PAK5: variants seen among roughly 807,000 people sequenced by gnomAD.
PAK5 encodes p21 (RAC1) activated kinase 5, also known as serine/threonine-protein kinase PAK 5.
A neutral mutation model predicts 65.9 loss-of-function variants in PAK5; 16 were observed. The observed-to-expected ratio is 0.24, with a 90% CI of 0.16 to 0.37. The LOEUF (loss-of-function observed/expected upper bound fraction) is 0.37. Among genes scored for constraint, PAK5 ranks in the 10% least tolerant of loss-of-function variants. The pLI is 1.00. For synonymous variants in PAK5, 371 were observed against 354.9 expected, an observed-to-expected ratio of 1.05 and a Z score of -0.51; for missense variants, 785 against 903.9, an observed-to-expected ratio of 0.87 and a Z score of 1.69.
intron 1 of PAK5, among the ~76,000 whole-genome samples, chr20:9,812,752 C>A (rs961949043): frequency 5.3e-5 from 8 of 152,074 alleles, no homozygotes; most frequent in African/African-American, 1.9e-4. Flanking sequence ...CTCAGTAGCA[C>A]AATAGGGTGA....
intron 2 of PAK5, among the ~76,000 whole-genome samples, chr20:9,680,563 C>T (rs2047636055): frequency 6.6e-6 from 1 of 152,142 alleles, no homozygotes; most frequent in Non-Finnish European, 1.5e-5. Context: ...CAGCAATTCC[C>T]ATTTTTTATG....
intron 1 of PAK5, among the ~76,000 whole-genome samples, chr20:9,778,020 T>C (rs1438414359): frequency 4.6e-5 from 7 of 152,168 alleles, no homozygotes; most frequent in African/African-American, 1.7e-4. Context: ...ATAAGTAGAA[T>C]ACAGTTCCCT....
At chr20:9,766,139 T>G (rs2048755291) in intron 1 of PAK5, among the ~76,000 whole-genome samples, 1 of 151,460 alleles carries the variant, frequency 6.6e-6, no homozygotes, top group Non-Finnish European at 1.5e-5. Context: ...GAAGAATCAC[T>G]TGAACCCGGA....
intron 4 of PAK5, 22 bp from the exon 5 acceptor site, chr20:9,566,406 G>A (rs1031245445): frequency 3.1e-6 from 5 of 1,604,118 alleles, no homozygotes; most frequent in Non-Finnish European, 4.3e-6. Flanking sequence ...GACATGGATA[G>A]AGAATATTCA....
At chr20:9,547,027 T>C (rs1449994959) in intron 7 of PAK5, among the ~76,000 whole-genome samples, 1 of 151,988 alleles carries the variant, frequency 6.6e-6, no homozygotes, top group Non-Finnish European at 1.5e-5. Context: ...GTCTAATTAG[T>C]GAAGGTGAGG....
At chr20:9,676,922 C>T (rs370844472) in intron 2 of PAK5, among the ~76,000 whole-genome samples, 1 of 152,016 alleles carries the variant, frequency 6.6e-6, no homozygotes, top group East Asian at 1.9e-4. Flanking sequence ...ATACTGAGTC[C>T]AAATGGGTGT....
chr20:9,708,997 C>T (rs1036518485), intron 2 of PAK5, among the ~76,000 whole-genome samples: 1 of 152,156 alleles, frequency 6.6e-6, no homozygotes, highest in Non-Finnish European at 1.5e-5. Context: ...AAACACCACT[C>T]CATTTTTTTT....
intron 3 of PAK5, among the ~76,000 whole-genome samples, chr20:9,616,470 T>G (rs887081678): frequency 3.9e-5 from 6 of 152,232 alleles, no homozygotes; most frequent in Admixed American, 2.0e-4. Context: ...CAGCGTTCTC[T>G]TCGGCTAAAG....
At chr20:9,719,076 T>A (rs926182216) in intron 1 of PAK5, among the ~76,000 whole-genome samples, 1 of 152,174 alleles carries the variant, frequency 6.6e-6, no homozygotes, top group East Asian at 1.9e-4. Flanking sequence ...TTTCTTTCCC[T>A]TCACTGTTGG....
intron 3 of PAK5, among the ~76,000 whole-genome samples, chr20:9,636,099 C>G (rs114561690): frequency 1.4e-3 from 206 of 152,254 alleles, no homozygotes; most frequent in African/African-American, 4.8e-3. Context: ...AAACTGTTAC[C>G]TTAGGTCAAA....
chr20:9,743,744 TAA>T (rs1346376541), intron 1 of PAK5, among the ~76,000 whole-genome samples: 2 of 152,168 alleles, frequency 1.3e-5, no homozygotes, highest in African/African-American at 2.4e-5. Context: ...AAAGAGTAAG[TAA>T]ATATTTCAAG....
At chr20:9,681,621 A>G (rs1165594116) in intron 2 of PAK5, among the ~76,000 whole-genome samples, 1 of 152,138 alleles carries the variant, frequency 6.6e-6, no homozygotes, top group East Asian at 1.9e-4. Context: ...TTATGTTAGT[A>G]AGCTTACTAC....
In PAK5 at chr20:9,725,595, G is replaced by T. The variant is rs145229231; in HGVS notation, c.-161-14160C>A. On this transcript the variant is annotated intron_variant, in intron 1 of 9. Coordinates refer to ENST00000353224, the MANE Select transcript of PAK5 (RefSeq NM_177990.4). ...AAATTTTGAATAGAAGTAATGTTTT[G>T]GTTCTTATTCGATAAATTTAATTAA... Among the ~76,000 whole-genome samples the T allele has an allele frequency of 8.3e-3, 1,263 of 152,128 alleles. 24 individuals are homozygous for T. Among genetic ancestry groups the T allele is most frequent in the African/African-American group, 0.029 (1,213 of 41,506 alleles).
chr20:9,797,736 G>A (rs1435133417), intron 1 of PAK5, among the ~76,000 whole-genome samples: 1 of 123,974 alleles, frequency 8.1e-6, no homozygotes, highest in East Asian at 2.6e-4. Flanking sequence ...GAGATGAACT[G>A]ACTTATGAGA....
At chr20:9,648,104 C>A (rs77075779) in intron 2 of PAK5, among the ~76,000 whole-genome samples, 1 of 152,154 alleles carries the variant, frequency 6.6e-6, no homozygotes, top group Non-Finnish European at 1.5e-5. Context: ...TCAGGGGTCC[C>A]AAAGACCACC....
At chr20:9,614,415 C>T (rs1286060729) in intron 3 of PAK5, among the ~76,000 whole-genome samples, 1 of 152,138 alleles carries the variant, frequency 6.6e-6, no homozygotes, top group Non-Finnish European at 1.5e-5. Context: ...GAGAAAGGAA[C>T]AGATGGAAAG....
chr20:9,631,100 T>C (rs1027410974), intron 3 of PAK5, among the ~76,000 whole-genome samples: 4 of 152,104 alleles, frequency 2.6e-5, no homozygotes, highest in Non-Finnish European at 5.9e-5. Flanking sequence ...AGATGAGACT[T>C]TGGGATCTTG....
chr20:9,636,447 A>G (rs1359830072), intron 3 of PAK5, among the ~76,000 whole-genome samples: 1 of 152,194 alleles, frequency 6.6e-6, no homozygotes, highest in East Asian at 1.9e-4. Flanking sequence ...AGCAGTACTC[A>G]GCAGCAGTCG....
At chr20:9,638,766 G>T (rs137906564) in intron 3 of PAK5, among the ~76,000 whole-genome samples, 97 of 152,258 alleles carry the variant, frequency 6.4e-4, no homozygotes, top group African/African-American at 2.2e-3. Context: ...GTAAGCCTGA[G>T]GTTCTAAACA....
Sources: allele counts gnomAD v4.1 joint callset (sites outside exome capture counted in the v4.1 genomes callset), GRCh38; gene constraint gnomAD v4.1.1; transcripts MANE v1.5; gene names NCBI Gene and HGNC (gene_info 2026-07-23, HGNC 2026-07-21).